The following STX5 variants were observed in gnomAD, a reference collection of about 807,000 sequenced individuals.
STX5 encodes the protein syntaxin-5.
Under a neutral mutation model 42.9 loss-of-function variants are expected in STX5, and 15 were observed. That is an observed-to-expected ratio of 0.35 (90% CI 0.23 to 0.54). The LOEUF (loss-of-function observed/expected upper bound fraction) is 0.54. Among genes scored for constraint, STX5 ranks in the 20% least tolerant of loss-of-function variants. STX5 has a pLI of 0.91. For synonymous variants in STX5, 184 were observed against 173.2 expected, an observed-to-expected ratio of 1.06 and a Z score of -0.49; for missense variants, 430 against 455.0, an observed-to-expected ratio of 0.95 and a Z score of 0.50.
rs1405125112 is a variant in STX5, at chr11:62,831,950, T to C, written c.-20+4A>G. On this transcript the variant is annotated splice_donor_region_variant and intron_variant, in intron 1 of 10. Coordinates refer to ENST00000294179, the MANE Select transcript of STX5 (RefSeq NM_003164.5). ...GCCAGATCCCCTCTTAAAGCGAATC[T>C]TACCTCCCCTCTGCCGCCTGCCGCC... The C allele has an allele frequency of 2.2e-6, 1 of 457,870 alleles. No homozygotes were observed. The highest frequency in any genetic ancestry group is 2.4e-5 in the Admixed American group (1 of 42,540). 28.4% of individuals were successfully genotyped at this position (457,870 alleles called of 1,614,324 possible). A position where few individuals can be genotyped will look rare whatever the true frequency, so the allele number is the denominator to read the frequency against.
intron 1 of STX5, 94 bp downstream of exon 1, chr11:62,831,860 C>T (rs1297719356): frequency 1.5e-5 from 7 of 456,168 alleles, no homozygotes; most frequent in African/African-American, 1.4e-4. Context: ...CCCGCTCGCC[C>T]CTGATTCCCT....
intron 10 of STX5, 98 bp from the exon 11 acceptor site, chr11:62,807,726 T>C: frequency 1.3e-6 from 2 of 1,537,812 alleles, no homozygotes; most frequent in South Asian, 1.2e-5. Context: ...GGTCACAATA[T>C]GATCCCATTC....
chr11:62,823,951 T>C (rs2084766047), intron 10 of STX5: 1 of 634,664 alleles, frequency 1.6e-6, no homozygotes, highest in Non-Finnish European at 2.7e-6. Flanking sequence ...CTGTTCTACT[T>C]GCCACTGTAT....
chr11:62,827,742 A>T, intron 2 of STX5, 111 bp from the exon 3 acceptor site: 1 of 1,087,510 alleles, frequency 9.2e-7, no homozygotes, highest in Non-Finnish European at 1.4e-6. Flanking sequence ...GGCATCCATC[A>T]GATGATCTAG....
At chr11:62,823,046 G>A (rs1046568366) in intron 10 of STX5, among the ~76,000 whole-genome samples, 4 of 152,110 alleles carry the variant, frequency 2.6e-5, no homozygotes, top group African/African-American at 4.8e-5. Flanking sequence ...TGCTCTAGCT[G>A]TCTCCTCGGC....
In STX5 at chr11:62,831,211, G is replaced by A. The variant is rs770043014; in HGVS notation, c.33C>T (p.Asn11=). MIPRKRYGSK[N]TDQGVYLGLS... ...GACCCAGGTAGACACCCTGATCCGT[G>A]TTCTTAGACCCGTAGCGTTTCCGCG... Residue 11 remains asparagine (N), a synonymous_variant, in exon 2 of 11, where the codon AAC becomes AAT. Coordinates refer to ENST00000294179, the MANE Select transcript of STX5 (RefSeq NM_003164.5). 1 of 1,565,516 alleles carries A rather than the reference G, an allele frequency of 6.4e-7. No homozygotes were observed. The highest frequency in any genetic ancestry group is 2.3e-5 in the East Asian group (1 of 43,312).
intron 10 of STX5, chr11:62,807,838 G>C (rs960726724): frequency 7.4e-5 from 65 of 882,236 alleles, no homozygotes; most frequent in Non-Finnish European, 9.8e-5. Flanking sequence ...AAGACTCTAA[G>C]TTAGTCTAAC....
intron 10 of STX5, among the ~76,000 whole-genome samples, chr11:62,820,092 C>T (rs1028189724): frequency 6.6e-5 from 10 of 151,038 alleles, no homozygotes; most frequent in Non-Finnish European, 1.3e-4. Flanking sequence ...CAGAATCGGC[C>T]GGGTGCGGTG....
intron 10 of STX5, among the ~76,000 whole-genome samples, chr11:62,823,544 TTTTTTA>T (rs1345738281): frequency 1.3e-5 from 2 of 151,966 alleles, no homozygotes; most frequent in South Asian, 2.1e-4. Flanking sequence ...TGTTGGTCAA[TTTTTTA>T]TTTTTATTTT....
intron 10 of STX5, among the ~76,000 whole-genome samples, chr11:62,813,193 G>C (rs911991720): frequency 1.3e-5 from 2 of 151,936 alleles, no homozygotes; most frequent in Non-Finnish European, 2.9e-5. Context: ...AGAATCACTT[G>C]AACCTGGGAG....
chr11:62,827,410 C>T lies in STX5; in HGVS notation c.297-12G>A, dbSNP rs757863819. ...CTTTCCCAATGCGCCTGCAAATGACCACTAGTCAGACTGTGGGAAAGGGCA... is the reference window on the plus strand; with the variant it reads ...CTTTCCCAATGCGCCTGCAAATGACTACTAGTCAGACTGTGGGAAAGGGCA... On this transcript the variant is annotated splice_polypyrimidine_tract_variant and intron_variant, in intron 3 of 10. Transcript: ENST00000294179. 6.8e-6 allele frequency: 11 copies of T among 1,614,184 alleles called. No homozygotes were observed. The highest frequency in any genetic ancestry group is 8.5e-6 in the Non-Finnish European group (10 of 1,180,036).
At chr11:62,814,628 ATTTTTTT>A (rs59288995) in intron 10 of STX5, among the ~76,000 whole-genome samples, 1 of 136,578 alleles carries the variant, frequency 7.3e-6, no homozygotes, top group African/African-American at 2.7e-5. Context: ...CGCTCAGCTA[ATTTTTTT>A]TTTTTTTTTG....
intron 10 of STX5, among the ~76,000 whole-genome samples, chr11:62,811,320 G>A (rs1039538334): frequency 6.6e-6 from 1 of 152,024 alleles, no homozygotes; most frequent in African/African-American, 2.4e-5. Context: ...GAAGTCTGAG[G>A]CACTCAGCAC....
chr11:62,831,425 C>T (rs181046244), intron 1 of STX5, among the ~76,000 whole-genome samples, 163 bp from the exon 2 acceptor site: 4 of 152,090 alleles, frequency 2.6e-5, no homozygotes, highest in Admixed American at 6.6e-5. Context: ...GAAAGGGCCC[C>T]GCTTTTCCCC....
At chr11:62,814,230 A>G (rs2084648382) in intron 10 of STX5, among the ~76,000 whole-genome samples, 1 of 152,148 alleles carries the variant, frequency 6.6e-6, no homozygotes, top group South Asian at 2.1e-4. Context: ...CAATGGCACA[A>G]CCTTGGCTCA....
chr11:62,807,912 ACTGT>A, intron 10 of STX5: 1 of 431,970 alleles, frequency 2.3e-6, no homozygotes, highest in African/African-American at 2.0e-5. Context: ...CTCTCAGGCT[ACTGT>A]CTGTCTTCAA....
chr11:62,827,707 C>A, intron 2 of STX5, 76 bp from the exon 3 acceptor site: 1 of 1,470,636 alleles, frequency 6.8e-7, no homozygotes, highest in South Asian at 1.2e-5. Flanking sequence ...CCTGAGGTGT[C>A]CACTAACCTA....
Position 62,827,630 on chromosome 11 carries a change from T to C in STX5, c.227A>G (p.Asn76Ser), listed in dbSNP as rs145955623. Residue 76 changes from asparagine (N) to serine (S), a missense_variant and splice_region_variant, in exon 3 of 11, where the codon AAT becomes AGT. Transcript: ENST00000294179. ...SACKSLQTRQ[N>S]GIQTNKPALR... ...AGCTGGCTTATTTGTCTGGATTCCA[T>C]TCTGAAAAGCAATGGCAGGAGGTGA... 14 of 1,614,064 alleles carry C rather than the reference T, an allele frequency of 8.7e-6. No homozygotes were observed. The African/African-American group carries it at 1.7e-4, about 20-fold the overall frequency.
At chr11:62,826,015 G>A (rs2084791305) in intron 5 of STX5, among the ~76,000 whole-genome samples, 1 of 152,196 alleles carries the variant, frequency 6.6e-6, no homozygotes, top group Non-Finnish European at 1.5e-5. Context: ...ACCACTTTGA[G>A]AGGCCAAGGC....
Sources: gnomAD v4.1 joint callset for allele counts (sites outside exome capture counted in the v4.1 genomes callset) on GRCh38, gnomAD v4.1.1 for gene constraint, MANE v1.5 for transcripts, NCBI Gene and HGNC (gene_info 2026-07-23, HGNC 2026-07-21) for gene names.